Variants in CNTN5 observed in about 807,000 individuals in gnomAD.
The protein encoded by CNTN5 is contactin 5.
A neutral mutation model predicts 129.1 loss-of-function variants in CNTN5; 77 were observed. The ratio of observed to expected loss-of-function variants is 0.60; its 90% CI spans 0.50 to 0.72. The LOEUF (loss-of-function observed/expected upper bound fraction) is 0.72. CNTN5 is among the 30% of genes least tolerant of loss of function. CNTN5 has a pLI of 0.00. For missense variants in CNTN5, 1,478 were observed against 1,328.8 expected, an observed-to-expected ratio of 1.11 and a Z score of -1.75; for synonymous variants, 509 against 465.6, an observed-to-expected ratio of 1.09 and a Z score of -1.20.
chr11:99,890,117 TG>T (rs1214383850), intron 6 of CNTN5, among the ~76,000 whole-genome samples: 1 of 152,098 alleles, frequency 6.6e-6, no homozygotes, highest in Non-Finnish European at 1.5e-5. Flanking sequence ...TTCCCCTCAA[TG>T]GGCAATATAT....
intron 4 of CNTN5, among the ~76,000 whole-genome samples, chr11:99,836,306 C>T (rs1246849774): frequency 2.0e-5 from 3 of 147,036 alleles, no homozygotes; most frequent in Non-Finnish European, 4.5e-5. Flanking sequence ...CCCCAACCCC[C>T]GACAGGCCCT....
At chr11:100,013,587 G>A (rs1188836075) in intron 9 of CNTN5, among the ~76,000 whole-genome samples, 1 of 152,078 alleles carries the variant, frequency 6.6e-6, no homozygotes, top group Non-Finnish European at 1.5e-5. Flanking sequence ...TATCTCACTG[G>A]ATTACAAACA....
intron 2 of CNTN5, among the ~76,000 whole-genome samples, chr11:99,444,424 TG>T (rs1943976202): frequency 6.6e-6 from 1 of 152,218 alleles, no homozygotes; most frequent in African/African-American, 2.4e-5. Context: ...ATGGCATATG[TG>T]TGTAAAATAG....
chr11:99,215,234 A>C (rs1860056267), intron 1 of CNTN5, among the ~76,000 whole-genome samples: 1 of 152,102 alleles, frequency 6.6e-6, no homozygotes, highest in African/African-American at 2.4e-5. Context: ...TTTTAGGTCT[A>C]CTAAAATTTT....
At chr11:99,272,158 C>T (rs947594816) in intron 1 of CNTN5, among the ~76,000 whole-genome samples, 6 of 151,832 alleles carry the variant, frequency 4.0e-5, no homozygotes, top group African/African-American at 1.5e-4. Flanking sequence ...GTATCTTTCC[C>T]AATGTCACAA....
chr11:99,782,109 G>C (rs1194061561), intron 3 of CNTN5, among the ~76,000 whole-genome samples: 13 of 151,232 alleles, frequency 8.6e-5, no homozygotes, highest in East Asian at 5.9e-4. Context: ...TCCTTAAGCT[G>C]ATAAGCAACT....
At chr11:100,277,567 T>C (rs1054701697) in intron 18 of CNTN5, among the ~76,000 whole-genome samples, 2 of 152,182 alleles carry the variant, frequency 1.3e-5, no homozygotes, top group African/African-American at 4.8e-5. Flanking sequence ...ATTCCCCTGA[T>C]GATCAATTAT....
chr11:99,451,646 C>T (rs746205134), intron 2 of CNTN5, among the ~76,000 whole-genome samples: 7 of 151,924 alleles, frequency 4.6e-5, no homozygotes, highest in South Asian at 2.1e-4. Context: ...AAGGATTAGG[C>T]GGTAGACATA....
chr11:99,762,405 C>A (rs544373059), intron 3 of CNTN5, among the ~76,000 whole-genome samples: 1 of 151,804 alleles, frequency 6.6e-6, no homozygotes, highest in Admixed American at 6.6e-5. Context: ...TTAGGTCTAA[C>A]GTTTAAGTCT....
At chr11:99,235,751 A>G (rs540482235) in intron 1 of CNTN5, among the ~76,000 whole-genome samples, 47 of 152,266 alleles carry the variant, frequency 3.1e-4, no homozygotes, top group African/African-American at 1.1e-3. Context: ...TTTTGTTTCT[A>G]CTGAATTTGC....
At chr11:99,799,707 T>C (rs1946055373) in intron 3 of CNTN5, among the ~76,000 whole-genome samples, 1 of 152,096 alleles carries the variant, frequency 6.6e-6, no homozygotes, top group East Asian at 1.9e-4. Context: ...GTAATTTTCT[T>C]TTTTTGTTGT....
chr11:99,331,818 G>T (rs116295807), intron 2 of CNTN5, among the ~76,000 whole-genome samples: 44 of 152,266 alleles, frequency 2.9e-4, no homozygotes, highest in African/African-American at 1.0e-3. Context: ...TTAGCCATGT[G>T]ACCTGCTTTG....
At chr11:99,627,046 C>T (rs1282769622) in intron 3 of CNTN5, among the ~76,000 whole-genome samples, 1 of 152,002 alleles carries the variant, frequency 6.6e-6, no homozygotes, top group Non-Finnish European at 1.5e-5. Context: ...AAGAAACATT[C>T]AAGGCTTGGA....
intron 1 of CNTN5, among the ~76,000 whole-genome samples, chr11:99,060,794 A>T (rs1420120767): frequency 6.6e-6 from 1 of 152,120 alleles, no homozygotes; most frequent in Admixed American, 6.6e-5. Context: ...AAATAGTAGT[A>T]TATTAAAAAT....
At chr11:99,219,096 A>T (rs956638211) in intron 1 of CNTN5, among the ~76,000 whole-genome samples, 17 of 151,988 alleles carry the variant, frequency 1.1e-4, no homozygotes, top group Admixed American at 2.0e-4. Flanking sequence ...ATCCTCACTA[A>T]TAGAGGGGCT....
intron 7 of CNTN5, among the ~76,000 whole-genome samples, chr11:99,926,006 G>T (rs768744575): frequency 6.6e-6 from 1 of 152,104 alleles, no homozygotes; most frequent in African/African-American, 2.4e-5. Flanking sequence ...GTTAAATTAA[G>T]CTTTACCTTG....
At chr11:100,255,332 C>T (rs1950044445) in intron 16 of CNTN5, among the ~76,000 whole-genome samples, 1 of 152,040 alleles carries the variant, frequency 6.6e-6, no homozygotes, top group Non-Finnish European at 1.5e-5. Context: ...TGAACATGAA[C>T]ATTAGCTCTA....
At chr11:99,956,747 C>T in intron 7 of CNTN5, 59 bp from the exon 8 acceptor site, 1 of 1,281,504 alleles carries the variant, frequency 7.8e-7, no homozygotes, top group Non-Finnish European at 1.1e-6. Flanking sequence ...GTTGTTTGAG[C>T]TTTGTCTGTT....
chr11:99,968,556 T>C (rs1397764486), intron 8 of CNTN5, among the ~76,000 whole-genome samples: 2 of 151,924 alleles, frequency 1.3e-5, no homozygotes, highest in Non-Finnish European at 2.9e-5. Flanking sequence ...TCCCTGAGAT[T>C]TGGTTTGGTA....
Sources: allele counts gnomAD v4.1 joint callset (sites outside exome capture counted in the v4.1 genomes callset), GRCh38; gene constraint gnomAD v4.1.1; transcripts MANE v1.5; gene names NCBI Gene and HGNC (gene_info 2026-07-23, HGNC 2026-07-21).